ZNF155: variants seen among roughly 807,000 people sequenced by gnomAD.
ZNF155 encodes the protein zinc finger protein 155.
ZNF155 carries 15 observed loss-of-function variants against 11.9 expected under a neutral mutation model. The observed-to-expected ratio is 1.26, with a 90% confidence interval of 0.84 to 1.94. The LOEUF (loss-of-function observed/expected upper bound fraction) is 1.94, where lower values mean the gene tolerates loss of function less well. Among genes scored for constraint, ZNF155 ranks in the 30% most tolerant of loss-of-function variants. The pLI, the probability that ZNF155 is intolerant of heterozygous loss-of-function variation, is 0.00. For synonymous variants in ZNF155, 212 were observed against 219.9 expected (o/e 0.96, Z 0.32); for missense variants, 602 against 639.1 (o/e 0.94, Z 0.63).
At chr19:43,992,535 C>T (rs769319227) in intron 4 of ZNF155, among the ~76,000 whole-genome samples, 1 of 152,234 alleles carries the variant, frequency 6.6e-6, no homozygotes. Context: ...ACTGTCCACA[C>T]TCCCTGGCTC....
chr19:43,984,969 G>T (rs560843681), intron 1 of ZNF155, among the ~76,000 whole-genome samples: 30 of 152,216 alleles, frequency 2.0e-4, no homozygotes, highest in African/African-American at 6.5e-4. Context: ...TGCAGGGAGG[G>T]ACTTGGCTAC....
rs1975890176 is a variant in ZNF155 at position 43,996,815 on chromosome 19, A to C, written c.958A>C (p.Thr320Pro). The change falls in exon 5 of 5, where the codon ACA (threonine) becomes CCA (proline). Residue 320 changes from threonine (T) to proline (P), a missense_variant. Coordinates refer to ENST00000270014, the MANE Select transcript of ZNF155 (RefSeq NM_198089.3). ...AGGAGAAAAACCATTTAGGTGTGATACATGTGATAAGAGCTTTCATCAGAG... is the reference window on the plus strand; with the variant it reads ...AGGAGAAAAACCATTTAGGTGTGATCCATGTGATAAGAGCTTTCATCAGAG... ...HTGEKPFRCD[T>P]CDKSFHQRSA... The C allele has an allele frequency of 1.2e-6, 2 of 1,614,052 alleles. No homozygotes were observed. The highest frequency in any genetic ancestry group is 2.7e-5 in the African/African-American group (2 of 74,902).
intron 4 of ZNF155, among the ~76,000 whole-genome samples, chr19:43,994,272 CTG>C (rs1176091807): frequency 1.3e-5 from 2 of 152,168 alleles, no homozygotes; most frequent in African/African-American, 4.8e-5. Context: ...TTGTGTGTCT[CTG>C]TACTCCTTCA....
At chr19:43,992,255 A>C (rs953820206) in intron 4 of ZNF155, among the ~76,000 whole-genome samples, 1 of 152,190 alleles carries the variant, frequency 6.6e-6, no homozygotes, top group African/African-American at 2.4e-5. Context: ...TGCCTCTCTG[A>C]CTACGTGTGT....
Position 43,985,628 on chromosome 19 carries a change from G to A in ZNF155, c.-86+1383G>A, listed in dbSNP as rs574478102. On this transcript the variant is annotated intron_variant, in intron 1 of 4. Transcript: ENST00000270014. ...CGATCTGGGCTCAGTGCAATAGGCC[G>A]CCTCCCAGGTTCAGGCGATTCTCCT... 5.4e-5 allele frequency among the ~76,000 whole-genome samples: 8 copies of A among 147,428 alleles called. No homozygotes were observed. In the South Asian group the frequency reaches 1.7e-3, roughly 32 times the overall value.
chr19:43,985,913 C>T (rs897513547), intron 1 of ZNF155, among the ~76,000 whole-genome samples: 11 of 152,130 alleles, frequency 7.2e-5, no homozygotes, highest in Non-Finnish European at 1.5e-5. Context: ...ACAGCTGGAG[C>T]TGGAACCTAG....
chr19:43,993,187 C>G (rs999318107), intron 4 of ZNF155, among the ~76,000 whole-genome samples: 5 of 152,188 alleles, frequency 3.3e-5, no homozygotes, highest in Admixed American at 6.5e-5. Flanking sequence ...TACTCTATTT[C>G]TGGTCCTCTT....
rs768538953 is a variant in ZNF155 at position 43,984,252 on chromosome 19, G to C, written c.-86+7G>C. 6.6e-6 allele frequency: 1 copy of C among 152,200 alleles called. No individual in the cohort carries two copies. Among genetic ancestry groups the C allele is most frequent in the African/African-American group, 2.4e-5 (1 of 41,418 alleles). 9.4% of individuals were successfully genotyped at this position (152,200 alleles called of 1,614,324 possible). ...ACAAGGTGGTTTGAGCCAAGTATGT[G>C]TCTTGCGGGTCTTTGCGAAAGTGAA... On this transcript the variant is annotated splice_region_variant and intron_variant, in intron 1 of 4. Transcript: ENST00000270014.
chr19:43,996,558 G>A lies in ZNF155; in HGVS notation c.701G>A (p.Cys234Tyr), dbSNP rs1208207241. 9 of 1,614,152 alleles carry A rather than the reference G, an allele frequency of 5.6e-6. No homozygotes were observed. Among genetic ancestry groups the A allele is most frequent in the Non-Finnish European group, 7.6e-6 (9 of 1,180,024 alleles). ...RVHTGEKPFK[C>Y]EQCGKGFSRR... ...CACACTGGAGAGAAACCATTCAAAT[G>A]TGAGCAATGTGGGAAAGGTTTCAGT... is the stretch of plus-strand genomic sequence containing the variant. The change falls in exon 5 of 5, where the codon TGT becomes TAT. Residue 234 changes from cysteine to tyrosine, a missense_variant. Physicochemically the swap from Cys to Tyr is radical, Grantham distance 194. Coordinates refer to ENST00000270014, the MANE Select transcript of ZNF155 (RefSeq NM_198089.3).
Position 43,994,655 on chromosome 19 carries a change from A to T in ZNF155, c.236-1438A>T, listed in dbSNP as rs114585403. On this transcript the variant is annotated intron_variant, in intron 4 of 4. Coordinates refer to ENST00000270014, the MANE Select transcript of ZNF155 (RefSeq NM_198089.3). ...ACAGGGTCCAGATGAGAATAACCAA[A>T]TGCGGACCTTCTATTGTATTCTCCT... Among the ~76,000 whole-genome samples the T allele has an allele frequency of 3.6e-3, 544 of 152,356 alleles. 5 individuals carry two copies. Among genetic ancestry groups the T allele is most frequent in the African/African-American group, 0.013 (525 of 41,590 alleles).
Position 43,996,908 on chromosome 19 carries a change from A to G in ZNF155, c.1051A>G (p.Lys351Glu), listed in dbSNP as rs778962505. Reference protein sequence around the residue: ...EKPYRCEQCGKGFIGRLDFYK... With the variant: ...EKPYRCEQCGEGFIGRLDFYK... ...ACCGTACAGATGTGAGCAGTGTGGA[A>G]AAGGCTTTATTGGTAGGCTAGATTT... is the stretch of plus-strand genomic sequence containing the variant. The change falls in exon 5 of 5, where the codon AAA (lysine) becomes GAA (glutamate). Residue 351 changes from lysine to glutamate, a missense_variant. Coordinates refer to ENST00000270014, the MANE Select transcript of ZNF155 (RefSeq NM_198089.3). 1.7e-5 allele frequency: 28 copies of G among 1,614,032 alleles called. No individual in the cohort carries two copies. The highest frequency in any genetic ancestry group is 2.4e-5 in the Non-Finnish European group (28 of 1,180,030).
At chr19:43,988,814 C>T (rs1028324246) in intron 2 of ZNF155, 5 of 368,532 alleles carry the variant, frequency 1.4e-5, no homozygotes, top group African/African-American at 6.4e-5. Context: ...TCCTTACCTC[C>T]CCTCTCTCAA....
rs1975984282 is a variant in ZNF155 at position 43,998,252 on chromosome 19, G to A, written c.*778G>A. The A allele has an allele frequency of 6.6e-6, 1 of 152,086 alleles. No individual in the cohort carries two copies. Among genetic ancestry groups the A allele is most frequent in the South Asian group, 2.1e-4 (1 of 4,820 alleles). 9.4% of individuals were successfully genotyped at this position (152,086 alleles called of 1,614,324 possible). On this transcript the variant is annotated 3_prime_UTR_variant, in exon 5 of 5. Coordinates refer to ENST00000270014, the MANE Select transcript of ZNF155 (RefSeq NM_198089.3). ...ACCCCGGACCCCAGCCTCATACTGG[G>A]CAACTTATTTGGATCCCCATCTCCA...
intron 2 of ZNF155, among the ~76,000 whole-genome samples, chr19:43,989,760 CA>C (rs1294045265): frequency 6.6e-6 from 1 of 152,132 alleles, no homozygotes; most frequent in Non-Finnish European, 1.5e-5. Context: ...TCCCTTTTGG[CA>C]AAAGATGCCT....
chr19:43,996,285 C>T lies in ZNF155; in HGVS notation c.428C>T (p.Thr143Ile). The stretch of plus-strand genomic sequence containing the variant: ...GAAGCAGGACTACCCACAATTCATA[C>T]AGGACAGAAACCTTCCCAGGGTGGG... ...QVEAGLPTIH[T>I]GQKPSQGGKC... Residue 143 changes from threonine (T) to isoleucine (I), a missense_variant, in exon 5 of 5, where the codon ACA (threonine) becomes ATA (isoleucine). Transcript: ENST00000270014. The T allele has an allele frequency of 6.2e-7, 1 of 1,614,148 alleles. No homozygotes were observed. The highest frequency in any genetic ancestry group is 8.5e-7 in the Non-Finnish European group (1 of 1,180,002).
intron 1 of ZNF155, among the ~76,000 whole-genome samples, chr19:43,986,847 G>A (rs1253865874): frequency 6.6e-6 from 1 of 152,096 alleles, no homozygotes; most frequent in Admixed American, 6.6e-5. Context: ...ATAGTATAAG[G>A]AATTCTCATA....
chr19:43,984,867 G>A (rs1018710993), intron 1 of ZNF155, among the ~76,000 whole-genome samples: 28 of 152,036 alleles, frequency 1.8e-4, no homozygotes, highest in African/African-American at 6.3e-4. Context: ...CACGTTTCAC[G>A]AAGGGAGAGG....
At chr19:43,990,015 C>A in intron 2 of ZNF155, 1 of 1,454,072 alleles carries the variant, frequency 6.9e-7, no homozygotes, top group Admixed American at 3.0e-5. Flanking sequence ...GATTTGTTCC[C>A]CAAATCAGAT....
intron 2 of ZNF155, among the ~76,000 whole-genome samples, chr19:43,991,092 C>G (rs902298867): frequency 2.6e-5 from 4 of 152,108 alleles, no homozygotes; most frequent in Non-Finnish European, 1.5e-5. Context: ...TCAAGGCCAC[C>G]CTGAAAATTA....
Sources: gnomAD v4.1 joint callset for allele counts (sites outside exome capture counted in the v4.1 genomes callset) on GRCh38, gnomAD v4.1.1 for gene constraint, MANE v1.5 for transcripts, NCBI Gene and HGNC (gene_info 2026-07-23, HGNC 2026-07-21) for gene names.